CDH4: variants seen among roughly 807,000 people sequenced by gnomAD.
CDH4 encodes cadherin 4.
A neutral mutation model predicts 86.0 loss-of-function variants in CDH4; 33 were observed. The ratio of observed to expected loss-of-function variants is 0.38; its 90% CI spans 0.29 to 0.51. The LOEUF is 0.51. CDH4 is among the 20% of genes least tolerant of loss of function. The pLI is 0.86. For missense variants in CDH4, 1,114 were observed against 1,307.4 expected (o/e 0.85, Z 2.28); for synonymous variants, 555 against 549.4 (o/e 1.01, Z -0.14).
intron 2 of CDH4, among the ~76,000 whole-genome samples, chr20:61,385,460 C>G (rs1484372518): frequency 7.1e-6 from 1 of 140,416 alleles, no homozygotes; most frequent in Non-Finnish European, 1.6e-5. Flanking sequence ...CCGCCGCCCC[C>G]CGCCCCCTTG....
intron 2 of CDH4, among the ~76,000 whole-genome samples, chr20:61,530,006 T>C (rs2085940180): frequency 6.6e-6 from 1 of 151,850 alleles, no homozygotes; most frequent in African/African-American, 2.4e-5. Flanking sequence ...CTTGGCTAAT[T>C]TATTTGTTTT....
chr20:61,697,672 A>C (rs1427500356), intron 2 of CDH4, among the ~76,000 whole-genome samples: 1 of 152,152 alleles, frequency 6.6e-6, no homozygotes, highest in Non-Finnish European at 1.5e-5. Flanking sequence ...AGAACCCAGC[A>C]GGGTTCCCGA....
At chr20:61,897,797 G>C (rs1985200896) in intron 8 of CDH4, among the ~76,000 whole-genome samples, 1 of 152,232 alleles carries the variant, frequency 6.6e-6, no homozygotes, top group South Asian at 2.1e-4. Context: ...GCCTCAGGCA[G>C]GTCCCAGACC....
At chr20:61,339,355 G>A (rs910223002) in intron 2 of CDH4, among the ~76,000 whole-genome samples, 1 of 150,298 alleles carries the variant, frequency 6.7e-6, no homozygotes, top group African/African-American at 2.4e-5. Context: ...GTGATACTTC[G>A]ACTAGAATGT....
chr20:61,406,362 C>T (rs1282734782), intron 2 of CDH4, among the ~76,000 whole-genome samples: 2 of 148,644 alleles, frequency 1.3e-5, no homozygotes, highest in Non-Finnish European at 3.0e-5. Flanking sequence ...CCTGGACCAC[C>T]ATCTGCCATC....
intron 2 of CDH4, among the ~76,000 whole-genome samples, chr20:61,329,466 T>TCCCCCACGGGTCTGGGACGCGGGTC (rs1568800084): frequency 1.1e-4 from 4 of 37,212 alleles, no homozygotes; most frequent in Admixed American, 8.1e-4. Context: ...GGATGTGGGT[T>TCCCCCACGGGTCTGGGACGCGGGTC]GAGGTGGCTG....
Position 61,929,660 on chromosome 20 carries a change from A to G in CDH4, c.2057A>G (p.Tyr686Cys). ...ATCCTGTACCTGGAGGCCGGGATGT[A>G]TGACGTCCCCATCATCGTCACAGAC... Reference protein sequence around the residue: ...LRILYLEAGMYDVPIIVTDSG... With the variant: ...LRILYLEAGMCDVPIIVTDSG... Residue 686 changes from tyrosine (Y) to cysteine (C), a missense_variant, in exon 13 of 16, where the codon TAT (tyrosine) becomes TGT (cysteine). Physicochemically the swap from Tyr to Cys is radical, Grantham distance 194. Transcript: ENST00000614565. 2 of 1,614,134 alleles carry G rather than the reference A, an allele frequency of 1.2e-6. No individual in the cohort carries two copies. The highest frequency in any genetic ancestry group is 1.7e-6 in the Non-Finnish European group (2 of 1,180,030).
intron 4 of CDH4, among the ~76,000 whole-genome samples, chr20:61,794,810 C>A (rs2146021917): frequency 6.6e-6 from 1 of 152,308 alleles, no homozygotes; most frequent in South Asian, 2.1e-4. Flanking sequence ...TGCTCTCAGA[C>A]CTGCCACAGG....
At position 61,745,797 on chromosome 20, in the gene CDH4, G is replaced by A. The variant is rs78098095; in HGVS notation, c.396+2008G>A. Among the ~76,000 whole-genome samples the A allele has an allele frequency of 1.0e-3, 158 of 152,286 alleles. 2 individuals are homozygous for A. The East Asian group carries it at 0.029, about 28-fold the overall frequency. On this transcript the variant is annotated intron_variant, in intron 3 of 15. Transcript: ENST00000614565. ...ACTTCCAAGCTGTCCCCAAGTCCCC[G>A]ATTGTGAGCCGAGAGCAGAGCCCCT... is the stretch of plus-strand genomic sequence containing the variant.
At chr20:61,259,434 A>G (rs1600812388) in intron 2 of CDH4, among the ~76,000 whole-genome samples, 1 of 152,214 alleles carries the variant, frequency 6.6e-6, no homozygotes, top group African/African-American at 2.4e-5. Context: ...ATCTCCCTGC[A>G]TAGCCGATGT....
chr20:61,764,686 C>T (rs2088678338), intron 3 of CDH4, among the ~76,000 whole-genome samples: 1 of 152,208 alleles, frequency 6.6e-6, no homozygotes, highest in Non-Finnish European at 1.5e-5. Flanking sequence ...GGCAGTTTTG[C>T]AGCACCTTCC....
intron 2 of CDH4, among the ~76,000 whole-genome samples, chr20:61,660,418 C>T (rs1464794224): frequency 2.0e-5 from 3 of 152,206 alleles, no homozygotes; most frequent in Admixed American, 6.5e-5. Flanking sequence ...TAAAATGCCT[C>T]GAAGTGTTCA....
At chr20:61,362,738 C>A (rs2084790885) in intron 2 of CDH4, among the ~76,000 whole-genome samples, 2 of 152,044 alleles carry the variant, frequency 1.3e-5, no homozygotes, top group Admixed American at 1.3e-4. Context: ...GGGGGGCACT[C>A]CCCGAGACAG....
intron 4 of CDH4, among the ~76,000 whole-genome samples, chr20:61,795,434 G>A (rs535257074): frequency 4.6e-5 from 7 of 152,228 alleles, no homozygotes; most frequent in African/African-American, 1.7e-4. Flanking sequence ...CCAGGAAGGT[G>A]AGAGGAATGA....
chr20:61,621,793 T>A (rs2086780473), intron 2 of CDH4, among the ~76,000 whole-genome samples: 1 of 152,274 alleles, frequency 6.6e-6, no homozygotes, highest in South Asian at 2.1e-4. Context: ...TTACATTTGT[T>A]AATTTTATAT....
At chr20:61,690,945 C>A (rs893095675) in intron 2 of CDH4, among the ~76,000 whole-genome samples, 2 of 152,126 alleles carry the variant, frequency 1.3e-5, no homozygotes, top group Non-Finnish European at 2.9e-5. Flanking sequence ...GCCTTGCAGA[C>A]CCCCCGCCCC....
chr20:61,463,127 G>C (rs961508323), intron 2 of CDH4, among the ~76,000 whole-genome samples: 3 of 152,152 alleles, frequency 2.0e-5, no homozygotes, highest in African/African-American at 7.2e-5. Context: ...CTGCTGCCAT[G>C]TAAGATGTGC....
At chr20:61,438,315 A>G (rs1005875142) in intron 2 of CDH4, among the ~76,000 whole-genome samples, 1 of 152,340 alleles carries the variant, frequency 6.6e-6, no homozygotes, top group East Asian at 1.9e-4. Flanking sequence ...AAGAATTCAC[A>G]TTATATACTA....
intron 2 of CDH4, among the ~76,000 whole-genome samples, chr20:61,403,975 T>C (rs748977952): frequency 2.6e-5 from 4 of 152,194 alleles, no homozygotes; most frequent in Non-Finnish European, 4.4e-5. Context: ...CTTAATTAAT[T>C]ATATTTTATT....
Sources: gnomAD v4.1 joint callset for allele counts (sites outside exome capture counted in the v4.1 genomes callset) on GRCh38, gnomAD v4.1.1 for gene constraint, MANE v1.5 for transcripts, NCBI Gene and HGNC (gene_info 2026-07-23, HGNC 2026-07-21) for gene names.